The following ANGPT2 variants were observed in gnomAD, a reference collection of about 807,000 sequenced individuals.
ANGPT2 encodes angiopoietin 2.
Under a neutral mutation model 62.9 loss-of-function variants are expected in ANGPT2, and 28 were observed. The ratio of observed to expected loss-of-function variants is 0.44; its 90% CI spans 0.33 to 0.61. The LOEUF (loss-of-function observed/expected upper bound fraction) is 0.61. Ranked by LOEUF, ANGPT2 falls within the 20% of genes least tolerant of loss-of-function variation. The pLI is 0.03. For synonymous variants in ANGPT2, 284 were observed against 207.8 expected, an observed-to-expected ratio of 1.37 and a Z score of -3.15; for missense variants, 727 against 594.9, an observed-to-expected ratio of 1.22 and a Z score of -2.31.
Position 6,505,436 on chromosome 8 carries a change from ATTCTT to A in ANGPT2, c.1328-2180_1328-2176del, listed in dbSNP as rs1563307095. On this transcript the variant is annotated intron_variant, in intron 8 of 8. Transcript: ENST00000629816. ...CTTTATATACATAAAGAATATATAT[ATTCTT>A]TATATACATATAGAATATATATATT... Among the ~76,000 whole-genome samples, 16 of 80,456 alleles carry A rather than the reference ATTCTT, an allele frequency of 2.0e-4. 2 individuals are homozygous for A. The highest frequency in any genetic ancestry group is 6.4e-4 in the African/African-American group (15 of 23,486). 52.8% of individuals were successfully genotyped at this position (80,456 alleles called of 152,430 possible).
In ANGPT2 at chr8:6,508,695, C is replaced by G. The variant is rs969181819; in HGVS notation, c.1327+237G>C. 1.5e-5 allele frequency: 9 copies of G among 613,270 alleles called. No individual in the cohort carries two copies. In the African/African-American group the frequency reaches 1.7e-4, roughly 11 times the overall value. The allele number at this position is 613,270 out of a possible 1,614,324, so 38.0% of individuals were successfully genotyped here. ...CAAATATCCCCTCTCCTTGCCAGGGCTAGGTCCTGAGGAGACACAGTTGGC... is the reference window on the plus strand; with the variant it reads ...CAAATATCCCCTCTCCTTGCCAGGGGTAGGTCCTGAGGAGACACAGTTGGC... On this transcript the variant is annotated intron_variant, in intron 8 of 8. Transcript: ENST00000629816.
intron 1 of ANGPT2, among the ~76,000 whole-genome samples, chr8:6,536,975 A>G (rs1468042958): frequency 6.0e-5 from 9 of 151,210 alleles, no homozygotes; most frequent in Admixed American, 6.6e-5. Flanking sequence ...AGTACAAGAA[A>G]AAAAAAAAAA....
intron 3 of ANGPT2, among the ~76,000 whole-genome samples, chr8:6,524,066 CT>C (rs1465098368): frequency 1.3e-5 from 2 of 152,120 alleles, no homozygotes; most frequent in Non-Finnish European, 2.9e-5. Context: ...AATATAGACA[CT>C]TTTAAAAATA....
chr8:6,511,070 C>T (rs987842608), intron 7 of ANGPT2, among the ~76,000 whole-genome samples: 1 of 152,198 alleles, frequency 6.6e-6, no homozygotes, highest in Admixed American at 6.5e-5. Flanking sequence ...TTAACTCTCT[C>T]TTGTCTCCTT....
intron 3 of ANGPT2, among the ~76,000 whole-genome samples, chr8:6,524,294 A>C (rs1365692290): frequency 6.6e-6 from 1 of 152,226 alleles, no homozygotes; most frequent in Non-Finnish European, 1.5e-5. Context: ...CTGTCTACTA[A>C]CAAGTTACCA....
intron 5 of ANGPT2, 123 bp downstream of exon 5, chr8:6,519,741 T>C (rs1369079458): frequency 8.2e-7 from 1 of 1,217,384 alleles, no homozygotes; most frequent in East Asian, 2.5e-5. Flanking sequence ...CCAGTAACTA[T>C]GGCTTTGTAC....
chr8:6,555,659 C>A (rs1351046856), intron 1 of ANGPT2, among the ~76,000 whole-genome samples: 1 of 152,052 alleles, frequency 6.6e-6, no homozygotes, highest in Non-Finnish European at 1.5e-5. Context: ...GACGGGGTTT[C>A]ATCGTGTTGG....
chr8:6,523,722 T>C (rs1423589024), intron 3 of ANGPT2, among the ~76,000 whole-genome samples: 1 of 152,110 alleles, frequency 6.6e-6, no homozygotes, highest in Non-Finnish European at 1.5e-5. Flanking sequence ...CCTGAGTAGT[T>C]AGGATTACAG....
intron 7 of ANGPT2, among the ~76,000 whole-genome samples, chr8:6,509,405 C>T (rs1390743274): frequency 2.0e-5 from 3 of 152,328 alleles, no homozygotes; most frequent in Middle Eastern, 3.4e-3. Context: ...GGTCTCCAGT[C>T]ATCTTCCATA....
chr8:6,547,898 T>C (rs953184334), intron 1 of ANGPT2, among the ~76,000 whole-genome samples: 36 of 152,186 alleles, frequency 2.4e-4, no homozygotes, highest in African/African-American at 8.7e-4. Flanking sequence ...TTTTTTTTTT[T>C]TTTTAACCAA....
At chr8:6,560,276 T>C (rs1481257394) in intron 1 of ANGPT2, among the ~76,000 whole-genome samples, 8 of 152,324 alleles carry the variant, frequency 5.3e-5, no homozygotes, top group African/African-American at 1.7e-4. Context: ...AAACCCAGAA[T>C]TGTGCTGCTG....
chr8:6,557,688 TACACAC>T (rs112788253), intron 1 of ANGPT2, among the ~76,000 whole-genome samples: 10 of 148,788 alleles, frequency 6.7e-5, no homozygotes, highest in South Asian at 2.1e-4. Flanking sequence ...TATGTGTGTG[TACACAC>T]ACACACACAC....
At chr8:6,533,783 A>T (rs1044763177) in intron 1 of ANGPT2, among the ~76,000 whole-genome samples, 1 of 151,984 alleles carries the variant, frequency 6.6e-6, no homozygotes, top group African/African-American at 2.4e-5. Flanking sequence ...TTATAGAGAA[A>T]CCATTCGTGG....
At position 6,505,396 on chromosome 8, in the gene ANGPT2, T is replaced by TATTCTTTATATACATAA. The variant is rs1563306810; in HGVS notation, c.1328-2136_1328-2135insTTATGTATATAAAGAAT. On this transcript the variant is annotated intron_variant, in intron 8 of 8. Coordinates refer to ENST00000629816, the MANE Select transcript of ANGPT2 (RefSeq NM_001118887.2). The stretch of plus-strand genomic sequence containing the variant: ...TATATATATTCTTTCTATATGTATA[T>TATTCTTTATATACATAA]AGAATATATATATTCTTTATATACA... Among the ~76,000 whole-genome samples the TATTCTTTATATACATAA allele has an allele frequency of 4.3e-3, 240 of 55,774 alleles. 34 individuals carry two copies. Among genetic ancestry groups the TATTCTTTATATACATAA allele is most frequent in the African/African-American group, 0.014 (227 of 16,222 alleles). The allele number at this position is 55,774 out of a possible 152,430, so 36.6% of individuals were successfully genotyped here.
intron 1 of ANGPT2, among the ~76,000 whole-genome samples, chr8:6,561,740 T>C (rs1382140091): frequency 6.6e-6 from 1 of 152,094 alleles, no homozygotes; most frequent in African/African-American, 2.4e-5. Context: ...AATTCCAGGT[T>C]CGTTTTGGAT....
intron 5 of ANGPT2, among the ~76,000 whole-genome samples, chr8:6,516,633 C>G (rs950771463): frequency 1.3e-5 from 2 of 152,206 alleles, no homozygotes; most frequent in African/African-American, 4.8e-5. Context: ...AAATCTATTT[C>G]ATAAACCAGC....
intron 7 of ANGPT2, 106 bp downstream of exon 7, chr8:6,513,572 A>G: frequency 1.3e-6 from 1 of 770,684 alleles, no homozygotes; most frequent in Non-Finnish European, 2.0e-6. Flanking sequence ...TGACCTCGTG[A>G]TCTGCCCACC....
At chr8:6,526,107 A>G (rs1054496046) in intron 3 of ANGPT2, among the ~76,000 whole-genome samples, 2 of 152,046 alleles carry the variant, frequency 1.3e-5, no homozygotes, top group African/African-American at 4.8e-5. Flanking sequence ...TGAAGAGAAC[A>G]TTACTAAGTA....
At chr8:6,542,811 C>A (rs552768638) in intron 1 of ANGPT2, among the ~76,000 whole-genome samples, 14 of 152,036 alleles carry the variant, frequency 9.2e-5, no homozygotes, top group African/African-American at 3.4e-4. Context: ...TTTTCTTTTT[C>A]CAATAAACTG....
Sources: gnomAD v4.1 joint callset for allele counts (sites outside exome capture counted in the v4.1 genomes callset) on GRCh38, gnomAD v4.1.1 for gene constraint, MANE v1.5 for transcripts, NCBI Gene and HGNC (gene_info 2026-07-23, HGNC 2026-07-21) for gene names.